The following MYOCD variants were observed in gnomAD, a reference collection of about 807,000 sequenced individuals.
The protein encoded by MYOCD is myocardin.
MYOCD carries 32 observed loss-of-function variants against 96.1 expected under a neutral mutation model. That is an observed-to-expected ratio of 0.33 (90% CI 0.25 to 0.45). MYOCD has a LOEUF of 0.45. Ranked by LOEUF, MYOCD falls within the 20% of genes least tolerant of loss-of-function variation. The pLI, the probability that MYOCD is intolerant of heterozygous loss-of-function variation, is 1.00. For missense variants in MYOCD, 1,133 were observed against 1,200.6 expected, an observed-to-expected ratio of 0.94 and a Z score of 0.83; for synonymous variants, 469 against 469.0, an observed-to-expected ratio of 1.00 and a Z score of 0.00.
intron 5 of MYOCD, among the ~76,000 whole-genome samples, chr17:12,729,966 G>T (rs2032119750): frequency 6.6e-6 from 1 of 152,078 alleles, no homozygotes; most frequent in Non-Finnish European, 1.5e-5. Flanking sequence ...GGGCAGCATA[G>T]TGACACCTCA....
At chr17:12,670,456 C>A (rs1909638265) in intron 1 of MYOCD, among the ~76,000 whole-genome samples, 2 of 152,146 alleles carry the variant, frequency 1.3e-5, no homozygotes, top group African/African-American at 2.4e-5. Context: ...TTTTCTCTCT[C>A]AGGAATTGAG....
intron 5 of MYOCD, among the ~76,000 whole-genome samples, chr17:12,730,486 T>C (rs1039319914): frequency 6.0e-5 from 9 of 150,456 alleles, no homozygotes; most frequent in Non-Finnish European, 1.3e-4. Flanking sequence ...ATTTCTAAAG[T>C]GCCAGGGATC....
intron 9 of MYOCD, among the ~76,000 whole-genome samples, chr17:12,749,326 A>G (rs2032759609): frequency 6.6e-6 from 1 of 151,928 alleles, no homozygotes; most frequent in African/African-American, 2.4e-5. Context: ...TCAGGTGTTC[A>G]AAACCAGCAT....
intron 11 of MYOCD, 98 bp downstream of exon 11, chr17:12,756,655 C>A: frequency 9.8e-7 from 1 of 1,018,768 alleles, no homozygotes; most frequent in Non-Finnish European, 1.4e-6. Context: ...GAGATCGCAC[C>A]ACTGCACTCC....
At chr17:12,673,394 A>G (rs7224764) in intron 1 of MYOCD, among the ~76,000 whole-genome samples, 2,455 of 152,306 alleles carry the variant, frequency 0.016, 76 homozygotes, top group African/African-American at 0.054. Context: ...CAACGTGATA[A>G]TCAGAGTATA....
intron 6 of MYOCD, among the ~76,000 whole-genome samples, chr17:12,738,301 C>G (rs1303775032): frequency 1.3e-5 from 2 of 152,030 alleles, no homozygotes; most frequent in Non-Finnish European, 2.9e-5. Context: ...TCATTCCTCA[C>G]CCCCCATGGA....
At chr17:12,741,117 C>T (rs541089559) in intron 7 of MYOCD, among the ~76,000 whole-genome samples, 36 of 152,270 alleles carry the variant, frequency 2.4e-4, no homozygotes, top group South Asian at 1.5e-3. Context: ...GTTAAAATGA[C>T]TCTTACGGGA....
At position 12,758,195 on chromosome 17, in the gene MYOCD, T is replaced by C. The variant is rs191873506; in HGVS notation, c.2313T>C (p.Tyr771=). ...CAGAGGTAACACAGCCTCCATCCTA[T>C]GAAGATGCCGTAAAGCAGGTAACCA... ...AISEVTQPPS[Y]EDAVKQQMTR... The change falls in exon 12 of 14, where the codon TAT becomes TAC. Residue 771 remains tyrosine, a synonymous_variant. Coordinates refer to ENST00000425538, the MANE Select transcript of MYOCD (RefSeq NM_001146312.3). The C allele has an allele frequency of 2.3e-5, 37 of 1,614,098 alleles. No homozygotes were observed. The East Asian group carries it at 6.2e-4, about 27-fold the overall frequency.
rs1261924279 is a variant in MYOCD, at chr17:12,765,191, GTC to G, written c.*1551_*1552del. On this transcript the variant is annotated 3_prime_UTR_variant, in exon 14 of 14. Coordinates refer to ENST00000425538, the MANE Select transcript of MYOCD (RefSeq NM_001146312.3). ...TGGAAAAAGCTAAAATTTCAGAACA[GTC>G]TCTGTAAGGCTCTCTGTGGCTCCAG... 2 of 152,046 alleles carry G rather than the reference GTC, an allele frequency of 1.3e-5. No individual in the cohort carries two copies. Among genetic ancestry groups the G allele is most frequent in the African/African-American group, 2.4e-5 (1 of 41,396 alleles). The allele number at this position is 152,046 out of a possible 1,614,324, so 9.4% of individuals were successfully genotyped here.
intron 10 of MYOCD, among the ~76,000 whole-genome samples, chr17:12,754,076 A>ATGTGTG (rs71144924): frequency 2.7e-5 from 4 of 147,328 alleles, no homozygotes; most frequent in Non-Finnish European, 3.0e-5. Context: ...GTGTGTGTGT[A>ATGTGTG]TGTGTGTGTG....
chr17:12,670,293 G>T (rs1187094360), intron 1 of MYOCD, among the ~76,000 whole-genome samples: 1 of 152,116 alleles, frequency 6.6e-6, no homozygotes, highest in African/African-American at 2.4e-5. Context: ...GCCTGTAATT[G>T]GTTGCTTGTC....
At chr17:12,749,578 A>G (rs925237122) in intron 9 of MYOCD, among the ~76,000 whole-genome samples, 8 of 147,246 alleles carry the variant, frequency 5.4e-5, no homozygotes, top group Admixed American at 1.4e-4. Flanking sequence ...ATGTATATAT[A>G]CAAAACCTAT....
At chr17:12,722,120 T>C (rs541364343) in intron 4 of MYOCD, among the ~76,000 whole-genome samples, 2 of 152,214 alleles carry the variant, frequency 1.3e-5, no homozygotes, top group East Asian at 1.9e-4. Flanking sequence ...CAAACTCTTA[T>C]AGAATCTTAA....
Position 12,722,849 on chromosome 17 carries a change from T to C in MYOCD, c.256T>C (p.Ser86Pro), listed in dbSNP as rs750257345. 21 of 1,608,400 alleles carry C rather than the reference T, an allele frequency of 1.3e-5. 1 individual carries two copies. In the South Asian group the frequency reaches 2.0e-4, roughly 15 times the overall value. Residue 86 changes from serine to proline, a missense_variant and splice_region_variant, in exon 5 of 14, where the codon TCC becomes CCC. By Grantham distance (74) the Ser-to-Pro change is moderately conservative. Coordinates refer to ENST00000425538, the MANE Select transcript of MYOCD (RefSeq NM_001146312.3). ...TCCTTTTCATTTCAACCCTTTAGCT[T>C]CCACTGCAGAGAGGTCCATTCCAAC... ...DLVNMHILQA[S>P]TAERSIPTAQ... is the part of the protein sequence containing the mutation.
At chr17:12,692,082 GCTT>G (rs1326102522) in intron 1 of MYOCD, among the ~76,000 whole-genome samples, 2 of 152,170 alleles carry the variant, frequency 1.3e-5, no homozygotes, top group African/African-American at 4.8e-5. Context: ...TAATGACTCA[GCTT>G]CTTCTATTCA....
rs1398678178 is a variant in MYOCD at position 12,744,415 on chromosome 17, G to A, written c.950G>A (p.Gly317Glu). 1 of 1,612,572 alleles carries A rather than the reference G, an allele frequency of 6.2e-7. No homozygotes were observed. Among genetic ancestry groups the A allele is most frequent in the Non-Finnish European group, 8.5e-7 (1 of 1,179,236 alleles). Reference protein sequence around the residue: ...QQQQHRFSYLGMHQAQLKEPN... With the variant: ...QQQQHRFSYLEMHQAQLKEPN... ...CAGCAACACCGATTCAGCTACCTAGGGATGCACCAAGCTCAGCTTAAGTAA... is the reference window on the plus strand; with the variant it reads ...CAGCAACACCGATTCAGCTACCTAGAGATGCACCAAGCTCAGCTTAAGTAA... Residue 317 changes from glycine (G) to glutamate (E), a missense_variant, in exon 8 of 14, where the codon GGG becomes GAG. Coordinates refer to ENST00000425538, the MANE Select transcript of MYOCD (RefSeq NM_001146312.3).
intron 3 of MYOCD, among the ~76,000 whole-genome samples, chr17:12,716,434 G>A (rs959895999): frequency 1.8e-4 from 28 of 152,324 alleles, no homozygotes; most frequent in African/African-American, 6.7e-4. Flanking sequence ...CTGGGGTCCA[G>A]TGTTGGCCCT....
chr17:12,763,744 G>A lies in MYOCD; in HGVS notation c.*100G>A. On this transcript the variant is annotated 3_prime_UTR_variant, in exon 14 of 14. Transcript: ENST00000425538. ...CTGTCCAAAAACAGAAGAAGAAGAA[G>A]AGAATTAAAAAGAAGCAATGATTTC... 1 of 1,090,714 alleles carries A rather than the reference G, an allele frequency of 9.2e-7. No homozygotes were observed. Among genetic ancestry groups the A allele is most frequent in the Non-Finnish European group, 1.3e-6 (1 of 776,534 alleles). 67.6% of individuals were successfully genotyped at this position (1,090,714 alleles called of 1,614,324 possible). A position where few individuals can be genotyped will look rare whatever the true frequency, so the allele number is the denominator to read the frequency against.
chr17:12,762,869 T>C, intron 13 of MYOCD: 1 of 558,006 alleles, frequency 1.8e-6, no homozygotes, highest in Admixed American at 3.3e-5. Context: ...AATCACAGAG[T>C]GGAATTCCCA....
Sources: allele counts gnomAD v4.1 joint callset (sites outside exome capture counted in the v4.1 genomes callset), GRCh38; gene constraint gnomAD v4.1.1; transcripts MANE v1.5; gene names NCBI Gene and HGNC (gene_info 2026-07-23, HGNC 2026-07-21).